Variants in TRIM36 observed in about 807,000 individuals in gnomAD.
TRIM36 encodes tripartite motif containing 36.
TRIM36 carries 42 observed loss-of-function variants against 72.4 expected under a neutral mutation model. That is an observed-to-expected ratio of 0.58 (90% CI 0.45 to 0.75). The LOEUF (loss-of-function observed/expected upper bound fraction) is 0.75. Ranked by LOEUF, TRIM36 falls within the 30% of genes least tolerant of loss-of-function variation. The pLI, the probability that TRIM36 is intolerant of heterozygous loss-of-function variation, is 0.00. For synonymous variants in TRIM36, 315 were observed against 282.8 expected, an observed-to-expected ratio of 1.11 and a Z score of -1.14; for missense variants, 913 against 857.1, an observed-to-expected ratio of 1.07 and a Z score of -0.81.
At chr5:115,130,438 CAAG>C (rs1561418474) in intron 9 of TRIM36, among the ~76,000 whole-genome samples, 151 bp downstream of exon 9, 1 of 152,164 alleles carries the variant, frequency 6.6e-6, no homozygotes, top group Non-Finnish European at 1.5e-5. Context: ...TGTGTGATTA[CAAG>C]AATACCCGGC....
At chr5:115,166,450 C>G (rs1452015918) in intron 1 of TRIM36, among the ~76,000 whole-genome samples, 3 of 152,278 alleles carry the variant, frequency 2.0e-5, no homozygotes, top group African/African-American at 7.2e-5. Flanking sequence ...GGTCTCTTCT[C>G]TGCTGAGAGC....
In TRIM36 at chr5:115,149,618, C is replaced by G. The variant is rs557131685; in HGVS notation, c.263-2224G>C. ...AAAAGTTCATCCCTTTTCTGTTTAC[C>G]TCTGCTACTGTGTTTTTACAGTGTA... On this transcript the variant is annotated intron_variant, in intron 2 of 9. Coordinates refer to ENST00000513154, the MANE Select transcript of TRIM36 (RefSeq NM_001300759.2). The G allele has an allele frequency of 6.9e-5, 8 of 115,466 alleles. No homozygotes were observed. In the East Asian group the frequency reaches 9.1e-4, roughly 13 times the overall value. 7.2% of individuals were successfully genotyped at this position (115,466 alleles called of 1,614,324 possible).
At position 115,163,630 on chromosome 5, in the gene TRIM36, C is replaced by G. The variant is rs770299533; in HGVS notation, c.150G>C (p.Leu50=). The change falls in exon 2 of 10, where the codon CTG becomes CTC. Residue 50 remains leucine (L), a synonymous_variant. Coordinates refer to ENST00000513154, the MANE Select transcript of TRIM36 (RefSeq NM_001300759.2). ...CATCGTTGAATGAATCATCGAGAGT[C>G]AGCAGGAGTTCTTTTACACATTTAT... ...ICHKCVKELL[L]TLDDSFNDVG... The G allele has an allele frequency of 6.2e-7, 1 of 1,614,152 alleles. No homozygotes were observed. The highest frequency in any genetic ancestry group is 8.5e-7 in the Non-Finnish European group (1 of 1,180,038).
In TRIM36 at chr5:115,137,499, A is replaced by G; in HGVS notation, c.949T>C (p.Leu317=). 2 of 1,614,146 alleles carry G rather than the reference A, an allele frequency of 1.2e-6. No homozygotes were observed. The highest frequency in any genetic ancestry group is 2.2e-5 in the East Asian group (1 of 44,866). Residue 317 remains leucine (L), a synonymous_variant, in exon 6 of 10, where the codon TTA becomes CTA. Coordinates refer to ENST00000513154, the MANE Select transcript of TRIM36 (RefSeq NM_001300759.2). ...TCCATTTGAGTCTGAAATTTGTCTA[A>G]TCTTAGTTTCTTAGAGGAGTCAATT... ...KAIDSSKKLR[L]DKFQTQMEEY...
At chr5:115,162,233 G>A (rs1035801275) in intron 2 of TRIM36, among the ~76,000 whole-genome samples, 3 of 152,206 alleles carry the variant, frequency 2.0e-5, no homozygotes, top group Middle Eastern at 3.4e-3. Flanking sequence ...ATCTAACTTC[G>A]TAGGGTTCTT....
chr5:115,174,948 G>T (rs1755268368), intron 1 of TRIM36, among the ~76,000 whole-genome samples: 1 of 152,078 alleles, frequency 6.6e-6, no homozygotes. Context: ...GGGCAAAGAA[G>T]TTTTCTGGCC....
rs1754992549 is a variant in TRIM36 at position 115,169,712 on chromosome 5, C to A, written c.-78G>T. Reference sequence around the variant, plus strand: ...CGAGCGCAGGGTCTGGTGGGCGGGTCCCTGCGGCGGCCGTGGAGCCTCGGT... The same window carrying A: ...CGAGCGCAGGGTCTGGTGGGCGGGTACCTGCGGCGGCCGTGGAGCCTCGGT... On this transcript the variant is annotated 5_prime_UTR_variant, in exon 1 of 10. Transcript: ENST00000513154. The A allele has an allele frequency of 2.0e-6, 3 of 1,488,852 alleles. No homozygotes were observed. In the African/African-American group the frequency reaches 4.2e-5, roughly 21 times the overall value. 92.2% of individuals were successfully genotyped at this position (1,488,852 alleles called of 1,614,324 possible).
At chr5:115,169,998 AG>A, upstream of TRIM36, 1 of 1,101,254 alleles carries the variant, frequency 9.1e-7, no homozygotes. Context: ...CAACAGCGCC[AG>A]TCGCACAAAA....
chr5:115,130,450 G>C, intron 9 of TRIM36, 142 bp downstream of exon 9: 1 of 831,430 alleles, frequency 1.2e-6, no homozygotes, highest in Non-Finnish European at 1.8e-6. Flanking sequence ...AGAATACCCG[G>C]CTCCTTTTCT....
At chr5:115,126,987 A>G (rs1752392081) in intron 9 of TRIM36, 130 bp from the exon 10 acceptor site, 2 of 944,766 alleles carry the variant, frequency 2.1e-6, no homozygotes, top group Non-Finnish European at 3.0e-6. Context: ...TATTAAAACA[A>G]AATCAAAAAC....
chr5:115,163,221 T>C (rs2126931427), intron 2 of TRIM36, among the ~76,000 whole-genome samples: 1 of 152,274 alleles, frequency 6.6e-6, no homozygotes, highest in East Asian at 1.9e-4. Flanking sequence ...CCTCCCAAAG[T>C]GCTGGGATTA....
At chr5:115,137,339 A>G (rs750586984) in intron 6 of TRIM36, 24 bp downstream of exon 6, 13 of 1,588,712 alleles carry the variant, frequency 8.2e-6, no homozygotes, top group East Asian at 2.2e-5. Context: ...AATAGGTTCT[A>G]AAGTTAGAAG....
chr5:115,160,121 C>T (rs1011104105), intron 2 of TRIM36, among the ~76,000 whole-genome samples: 2 of 151,244 alleles, frequency 1.3e-5, no homozygotes, highest in African/African-American at 4.9e-5. Flanking sequence ...CAAAAGTATA[C>T]AGTAATATGG....
intron 2 of TRIM36, among the ~76,000 whole-genome samples, chr5:115,155,216 C>T (rs761138378): frequency 2.6e-5 from 4 of 151,240 alleles, no homozygotes; most frequent in African/African-American, 7.3e-5. Flanking sequence ...GGTGTGGTGG[C>T]GTGAACCTGT....
At chr5:115,140,058 G>A (rs1250650517) in intron 5 of TRIM36, among the ~76,000 whole-genome samples, 3 of 152,128 alleles carry the variant, frequency 2.0e-5, no homozygotes, top group African/African-American at 7.2e-5. Flanking sequence ...ACAAAAATAT[G>A]AAAAAGAAAA....
chr5:115,159,581 T>C (rs1754364934), intron 2 of TRIM36: 1 of 433,728 alleles, frequency 2.3e-6, no homozygotes, highest in Admixed American at 2.7e-5. Flanking sequence ...CACAAGATTA[T>C]TTAATTTAAA....
chr5:115,176,925 A>G (rs903361739), intron 1 of TRIM36, among the ~76,000 whole-genome samples: 15 of 152,358 alleles, frequency 9.8e-5, no homozygotes, highest in African/African-American at 3.6e-4. Flanking sequence ...AGTATTAACT[A>G]CACTTATGCA....
At chr5:115,132,359 C>G (rs1168261323) in intron 8 of TRIM36, among the ~76,000 whole-genome samples, 5 of 151,736 alleles carry the variant, frequency 3.3e-5, no homozygotes, top group Non-Finnish European at 7.4e-5. Context: ...CATGGTGAAA[C>G]CTGGCTCTAC....
chr5:115,147,047 A>C, intron 3 of TRIM36, 22 bp downstream of exon 3: 3 of 1,582,428 alleles, frequency 1.9e-6, no homozygotes, highest in Non-Finnish European at 2.6e-6. Flanking sequence ...TAACATTCTA[A>C]CTTAATAAAA....
Sources: gnomAD v4.1 joint callset for allele counts (sites outside exome capture counted in the v4.1 genomes callset) on GRCh38, gnomAD v4.1.1 for gene constraint, MANE v1.5 for transcripts, NCBI Gene and HGNC (gene_info 2026-07-23, HGNC 2026-07-21) for gene names.